The following MPRIP variants were observed in gnomAD, a reference collection of about 807,000 sequenced individuals.
The protein encoded by MPRIP is myosin phosphatase Rho-interacting protein.
A neutral mutation model predicts 234.9 loss-of-function variants in MPRIP; 59 were observed. The observed-to-expected ratio is 0.25, with a 90% CI of 0.20 to 0.31. MPRIP has a LOEUF of 0.31. Among genes scored for constraint, MPRIP ranks in the 10% least tolerant of loss-of-function variants. The pLI is 1.00. For missense variants in MPRIP, 2,436 were observed against 3,071.0 expected (o/e 0.79, Z 4.89); for synonymous variants, 1,144 against 1,263.9 (o/e 0.91, Z 2.01).
At chr17:17,104,050 G>T (rs1009110067) in intron 3 of MPRIP, among the ~76,000 whole-genome samples, 11 of 152,036 alleles carry the variant, frequency 7.2e-5, no homozygotes, top group African/African-American at 2.7e-4. Flanking sequence ...AAACTAAGAT[G>T]GTAATGAATA....
chr17:17,107,142 G>A (rs2090078549), intron 3 of MPRIP, among the ~76,000 whole-genome samples: 1 of 152,242 alleles, frequency 6.6e-6, no homozygotes, highest in Non-Finnish European at 1.5e-5. Context: ...GGAGGGTGTC[G>A]GGATTTAATG....
chr17:17,112,327 C>G (rs558409050), intron 3 of MPRIP, among the ~76,000 whole-genome samples: 1 of 152,150 alleles, frequency 6.6e-6, no homozygotes, highest in African/African-American at 2.4e-5. Flanking sequence ...CCTCCAAACC[C>G]GGCCTCCTTG....
intron 3 of MPRIP, among the ~76,000 whole-genome samples, chr17:17,103,661 C>T (rs58224896): frequency 1.6e-4 from 24 of 152,280 alleles, no homozygotes; most frequent in African/African-American, 5.8e-4. Context: ...TGGTTCCTTC[C>T]TAATAAGATC....
intron 12 of MPRIP, among the ~76,000 whole-genome samples, chr17:17,151,041 T>TATTATTATC (rs1163474661): frequency 3.3e-5 from 5 of 149,958 alleles, no homozygotes; most frequent in African/African-American, 1.2e-4. Context: ...TTATTATTAT[T>TATTATTATC]ATCATTATTT....
rs569660761 is a variant in MPRIP at position 17,184,981 on chromosome 17, A to T, written c.*87A>T. 4.1e-5 allele frequency: 27 copies of T among 652,324 alleles called. No homozygotes were observed. Among genetic ancestry groups the T allele is most frequent in the African/African-American group, 3.1e-4 (17 of 54,174 alleles). The allele number at this position is 652,324 out of a possible 1,614,324, so 40.4% of individuals were successfully genotyped here. ...TGCTTTTCACCTGTACCTTTGTTTT[A>T]TTATTATTATTATTATTGCTGTTGT... On this transcript the variant is annotated 3_prime_UTR_variant, in exon 24 of 24. Transcript: ENST00000651222.
At chr17:17,180,610 G>A (rs377119669) in intron 23 of MPRIP, 22 of 1,613,582 alleles carry the variant, frequency 1.4e-5, no homozygotes, top group Admixed American at 3.3e-5. Context: ...CTGACAGTCC[G>A]TAATTGAGCA....
intron 10 of MPRIP, 120 bp from the exon 11 acceptor site, chr17:17,147,199 C>A: frequency 1.1e-6 from 1 of 915,060 alleles, no homozygotes. Flanking sequence ...GCCAGCCTGT[C>A]CCCTGCTTTC....
At chr17:17,143,691 T>C in intron 9 of MPRIP, 22 bp downstream of exon 9, 1 of 1,515,204 alleles carries the variant, frequency 6.6e-7, no homozygotes, top group Non-Finnish European at 9.1e-7. Context: ...CGCCGCGTCC[T>C]CCGGAGGCCG....
At chr17:17,075,057 C>T (rs1419088278) in intron 1 of MPRIP, among the ~76,000 whole-genome samples, 1 of 152,210 alleles carries the variant, frequency 6.6e-6, no homozygotes, top group Non-Finnish European at 1.5e-5. Flanking sequence ...TTCTGAGGAA[C>T]TGCCAGACTT....
chr17:17,115,566 C>T (rs1460517205), intron 3 of MPRIP, among the ~76,000 whole-genome samples: 1 of 152,198 alleles, frequency 6.6e-6, no homozygotes. Context: ...TTGAAGTGTA[C>T]AGGTCATTGT....
At position 17,165,422 on chromosome 17, in the gene MPRIP, G is replaced by A; in HGVS notation, c.3831G>A (p.Glu1277=). The A allele has an allele frequency of 7.7e-7, 1 of 1,304,252 alleles. No homozygotes were observed. The highest frequency in any genetic ancestry group is 1.0e-6 in the Non-Finnish European group (1 of 988,958). 80.8% of individuals were successfully genotyped at this position (1,304,252 alleles called of 1,614,324 possible). A position where few individuals can be genotyped will look rare whatever the true frequency, so the allele number is the denominator to read the frequency against. Residue 1277 remains glutamate (E), a synonymous_variant, in exon 16 of 24, where the codon GAG becomes GAA. Coordinates refer to ENST00000651222, the MANE Select transcript of MPRIP (RefSeq NM_001364716.4). ...ACCTGGGGGCTCCTCCGGGGGAAGA[G>A]TACGGTGATGGCAGCCCCAGTAGGG... is the stretch of plus-strand genomic sequence containing the variant. ...DEDLGAPPGE[E]YGDGSPSRED...
rs1348141629 is a variant in MPRIP, at chr17:17,184,944, C to G, written c.*50C>G. On this transcript the variant is annotated 3_prime_UTR_variant, in exon 24 of 24. Transcript: ENST00000651222. ...GCGCCTTCCCCAGCTTGCAGCAGCA[C>G]ACCCCAAGCGCTGCTTTTCACCTGT... The G allele has an allele frequency of 8.0e-7, 1 of 1,256,882 alleles. No homozygotes were observed. The highest frequency in any genetic ancestry group is 1.2e-6 in the Non-Finnish European group (1 of 857,232). The allele number at this position is 1,256,882 out of a possible 1,614,324, so 77.9% of individuals were successfully genotyped here.
At chr17:17,058,477 C>T (rs952088263) in intron 1 of MPRIP, among the ~76,000 whole-genome samples, 1 of 144,128 alleles carries the variant, frequency 6.9e-6, no homozygotes, top group African/African-American at 2.6e-5. Context: ...GCTCCAGGGC[C>T]GTGGGGAGTG....
At position 17,158,550 on chromosome 17, in the gene MPRIP, C is replaced by T. The variant is rs145442751; in HGVS notation, c.1948C>T (p.Arg650Trp). The stretch of plus-strand genomic sequence containing the variant: ...CCCTGAGCAGAAGAGGAGCCGCGCA[C>T]GGGAGCGGAGGCGAGAGGGCCGCTC... ...PDPEQKRSRARERRREGRSKT... is the reference protein window; with the variant it reads ...PDPEQKRSRAWERRREGRSKT... The change falls in exon 14 of 24, where the codon CGG (arginine) becomes TGG (tryptophan). Residue 650 changes from arginine (R) to tryptophan (W), a missense_variant. Coordinates refer to ENST00000651222, the MANE Select transcript of MPRIP (RefSeq NM_001364716.4). 34 of 1,611,758 alleles carry T rather than the reference C, an allele frequency of 2.1e-5. No individual in the cohort carries two copies. The highest frequency in any genetic ancestry group is 1.0e-4 in the Admixed American group (6 of 60,000).
intron 12 of MPRIP, among the ~76,000 whole-genome samples, chr17:17,151,508 AGTT>A (rs1387041760): frequency 6.6e-6 from 1 of 152,118 alleles, no homozygotes; most frequent in Admixed American, 6.5e-5. Flanking sequence ...TGGTTGATGG[AGTT>A]GTTGTCCTCA....
At chr17:17,081,285 C>T (rs2089456603) in intron 3 of MPRIP, among the ~76,000 whole-genome samples, 1 of 152,174 alleles carries the variant, frequency 6.6e-6, no homozygotes, top group Non-Finnish European at 1.5e-5. Context: ...TGTGTCTCCC[C>T]ATTGTCTAGC....
chr17:17,127,694 G>C (rs1434169179), intron 4 of MPRIP, among the ~76,000 whole-genome samples: 1 of 152,254 alleles, frequency 6.6e-6, no homozygotes, highest in African/African-American at 2.4e-5. Context: ...GAAGCTCTGG[G>C]AGAAAGTAAA....
intron 3 of MPRIP, among the ~76,000 whole-genome samples, chr17:17,125,474 C>T (rs939771493): frequency 3.3e-5 from 5 of 152,210 alleles, no homozygotes; most frequent in African/African-American, 1.2e-4. Flanking sequence ...AGCAGCCCTC[C>T]GGTCTGACTC....
Position 17,142,771 on chromosome 17 carries a change from C to A in MPRIP, c.1389+6C>A, listed in dbSNP as rs762198610. 6.2e-7 allele frequency: 1 copy of A among 1,611,504 alleles called. No individual in the cohort carries two copies. The highest frequency in any genetic ancestry group is 2.2e-5 in the East Asian group (1 of 44,866). On this transcript the variant is annotated splice_donor_region_variant and intron_variant, in intron 8 of 23. Transcript: ENST00000651222. Reference sequence around the variant, plus strand: ...GGGCGTTCCCTAGGAAGCGGGTGAGCTCCTGGGGCTGGGCAGCACCTCAGG... The same window carrying A: ...GGGCGTTCCCTAGGAAGCGGGTGAGATCCTGGGGCTGGGCAGCACCTCAGG...
Sources: allele counts gnomAD v4.1 joint callset (sites outside exome capture counted in the v4.1 genomes callset), GRCh38; gene constraint gnomAD v4.1.1; transcripts MANE v1.5; gene names NCBI Gene and HGNC (gene_info 2026-07-23, HGNC 2026-07-21).